SEMA3A: variants seen among roughly 807,000 people sequenced by gnomAD.
SEMA3A encodes semaphorin-3A.
In SEMA3A, 29 loss-of-function variants were observed where a neutral mutation model predicts 97.9. The ratio of observed to expected loss-of-function variants is 0.30; its 90% CI spans 0.22 to 0.40. The LOEUF (loss-of-function observed/expected upper bound fraction) is 0.40, where lower values mean the gene tolerates loss of function less well. Ranked by LOEUF, SEMA3A falls within the 10% of genes least tolerant of loss-of-function variation. The pLI is 1.00. For missense variants in SEMA3A, 763 were observed against 951.3 expected, an observed-to-expected ratio of 0.80 and a Z score of 2.60; for synonymous variants, 321 against 323.7, an observed-to-expected ratio of 0.99 and a Z score of 0.09.
chr7:84,445,606 T>C (rs1011210462), intron 1 of SEMA3A, among the ~76,000 whole-genome samples: 3 of 139,292 alleles, frequency 2.2e-5, no homozygotes, highest in Non-Finnish European at 4.7e-5. Context: ...AATTAAATAA[T>C]ACACCCTTAA....
chr7:84,020,069 G>A (rs1382255769), intron 6 of SEMA3A, among the ~76,000 whole-genome samples: 4 of 79,914 alleles, frequency 5.0e-5, no homozygotes, highest in South Asian at 3.5e-4. Context: ...TTTTTGAGAC[G>A]GAGTCTCACT....
chr7:84,161,064 T>C (rs566463000), intron 1 of SEMA3A, among the ~76,000 whole-genome samples: 2 of 151,772 alleles, frequency 1.3e-5, no homozygotes, highest in African/African-American at 4.8e-5. Flanking sequence ...ATACTTTTTA[T>C]TTAAGAATTT....
chr7:84,344,101 T>C (rs538334612), intron 2 of SEMA3A, among the ~76,000 whole-genome samples: 1 of 152,164 alleles, frequency 6.6e-6, no homozygotes, highest in African/African-American at 2.4e-5. Context: ...TTAATACTTA[T>C]GCAAAATATT....
At chr7:84,138,808 T>G (rs1327426419) in intron 1 of SEMA3A, among the ~76,000 whole-genome samples, 1 of 152,104 alleles carries the variant, frequency 6.6e-6, no homozygotes, top group African/African-American at 2.4e-5. Flanking sequence ...CAGTGAACAA[T>G]ACAAATTCTG....
chr7:84,287,927 T>C (rs989157653), intron 3 of SEMA3A, among the ~76,000 whole-genome samples: 7 of 152,142 alleles, frequency 4.6e-5, no homozygotes, highest in Non-Finnish European at 1.0e-4. Flanking sequence ...GTTTCAATGC[T>C]GGGTTTAGAA....
chr7:84,218,890 C>T (rs549899713), intron 3 of SEMA3A, among the ~76,000 whole-genome samples: 1 of 152,226 alleles, frequency 6.6e-6, no homozygotes, highest in South Asian at 2.1e-4. Context: ...TCATGCCTAA[C>T]TGTCTTTGGC....
At chr7:84,404,624 A>G (rs1310143338) in intron 1 of SEMA3A, among the ~76,000 whole-genome samples, 1 of 152,186 alleles carries the variant, frequency 6.6e-6, no homozygotes, top group Non-Finnish European at 1.5e-5. Flanking sequence ...GAAGGAAAAA[A>G]TGTTAAGGGC....
At chr7:84,318,836 T>A (rs1801578140) in intron 2 of SEMA3A, among the ~76,000 whole-genome samples, 1 of 152,160 alleles carries the variant, frequency 6.6e-6, no homozygotes, top group South Asian at 2.1e-4. Flanking sequence ...TTTATGTAAA[T>A]GGCTATCACA....
intron 1 of SEMA3A, among the ~76,000 whole-genome samples, chr7:84,490,277 A>G (rs1156684219): frequency 6.6e-6 from 1 of 151,662 alleles, no homozygotes; most frequent in Non-Finnish European, 1.5e-5. Context: ...GGTTGTCACT[A>G]GGATTAAAAT....
At chr7:84,235,696 G>A (rs974704657) in intron 3 of SEMA3A, among the ~76,000 whole-genome samples, 4 of 151,892 alleles carry the variant, frequency 2.6e-5, no homozygotes, top group African/African-American at 9.7e-5. Flanking sequence ...TACTAAAGTG[G>A]TTCTCATAAA....
At chr7:83,983,453 A>AT (rs1045236517) in intron 13 of SEMA3A, among the ~76,000 whole-genome samples, 2 of 152,100 alleles carry the variant, frequency 1.3e-5, no homozygotes, top group African/African-American at 2.4e-5. Flanking sequence ...ATATTTATAG[A>AT]TTTTTTTAAG....
At chr7:84,312,383 G>C (rs1025826851) in intron 2 of SEMA3A, among the ~76,000 whole-genome samples, 1 of 151,626 alleles carries the variant, frequency 6.6e-6, no homozygotes, top group African/African-American at 2.4e-5. Context: ...ATGAAGAAAG[G>C]CCCAGTGGTA....
chr7:84,461,126 A>T (rs546187207), intron 1 of SEMA3A, among the ~76,000 whole-genome samples: 1 of 152,338 alleles, frequency 6.6e-6, no homozygotes, highest in African/African-American at 2.4e-5. Context: ...GATGTGCTTC[A>T]AATAAACTTC....
At chr7:84,160,919 G>T (rs781092831) in intron 1 of SEMA3A, among the ~76,000 whole-genome samples, 5 of 151,842 alleles carry the variant, frequency 3.3e-5, no homozygotes, top group Non-Finnish European at 5.9e-5. Context: ...TAATTCCATA[G>T]GATAGGTAGT....
At chr7:84,170,550 C>T (rs1435171923) in intron 1 of SEMA3A, among the ~76,000 whole-genome samples, 1 of 151,790 alleles carries the variant, frequency 6.6e-6, no homozygotes, top group Non-Finnish European at 1.5e-5. Flanking sequence ...TATATGTGTG[C>T]ATAAAACTTT....
Position 84,172,499 on chromosome 7 carries a change from T to G in SEMA3A, c.112+21976A>C, listed in dbSNP as rs559137451. 1.0e-3 allele frequency among the ~76,000 whole-genome samples: 157 copies of G among 152,256 alleles called. 1 individual carries two copies. The highest frequency in any genetic ancestry group is 2.0e-3 in the Non-Finnish European group (134 of 68,002). The stretch of plus-strand genomic sequence containing the variant: ...GTGCAGTGGGCTATCTAGGTTCACT[T>G]CAAGCTCCGCCTCCTGGGTTCACGC... On this transcript the variant is annotated intron_variant, in intron 1 of 16. Coordinates refer to ENST00000265362, the MANE Select transcript of SEMA3A (RefSeq NM_006080.3).
chr7:84,231,920 C>T (rs1473559245), intron 3 of SEMA3A, among the ~76,000 whole-genome samples: 5 of 151,664 alleles, frequency 3.3e-5, no homozygotes, highest in African/African-American at 1.2e-4. Context: ...GAATGCTTAG[C>T]CTTGGTTCTT....
intron 3 of SEMA3A, among the ~76,000 whole-genome samples, chr7:84,119,314 T>G (rs2115977616): frequency 6.6e-6 from 1 of 152,260 alleles, no homozygotes; most frequent in East Asian, 1.9e-4. Context: ...AGTGAGAAGC[T>G]TCAGGAATTT....
At chr7:84,417,341 TATTAA>T (rs1415494919) in intron 1 of SEMA3A, among the ~76,000 whole-genome samples, 3 of 152,086 alleles carry the variant, frequency 2.0e-5, no homozygotes, top group Non-Finnish European at 4.4e-5. Context: ...CAATATATAG[TATTAA>T]ATTAATTTGA....
Sources: gnomAD v4.1 joint callset for allele counts (sites outside exome capture counted in the v4.1 genomes callset) on GRCh38, gnomAD v4.1.1 for gene constraint, MANE v1.5 for transcripts, NCBI Gene and HGNC (gene_info 2026-07-23, HGNC 2026-07-21) for gene names.